The following PXDNL variants were observed in gnomAD, a reference collection of about 807,000 sequenced individuals.
PXDNL encodes probable oxidoreductase PXDNL.
Under a neutral mutation model 150.8 loss-of-function variants are expected in PXDNL, and 145 were observed. The observed-to-expected ratio is 0.96, with a 90% CI of 0.84 to 1.10. The LOEUF (loss-of-function observed/expected upper bound fraction) is 1.10. PXDNL is among the 50% of genes least tolerant of loss of function. The pLI is 0.00. For synonymous variants in PXDNL, 757 were observed against 725.7 expected, an observed-to-expected ratio of 1.04 and a Z score of -0.69; for missense variants, 2,087 against 1,873.9, an observed-to-expected ratio of 1.11 and a Z score of -2.10.
intron 1 of PXDNL, among the ~76,000 whole-genome samples, chr8:51,786,753 T>A (rs1414820896): frequency 6.6e-6 from 1 of 152,124 alleles, no homozygotes; most frequent in Non-Finnish European, 1.5e-5. Flanking sequence ...CTAAAATCAC[T>A]GATGAAAGTG....
At chr8:51,782,681 G>A (rs532259658) in intron 1 of PXDNL, among the ~76,000 whole-genome samples, 33 of 152,198 alleles carry the variant, frequency 2.2e-4, no homozygotes, top group African/African-American at 3.6e-4. Flanking sequence ...CCTTTATGGC[G>A]TGCTAAATAC....
At chr8:51,536,626 T>C (rs905227033) in intron 4 of PXDNL, among the ~76,000 whole-genome samples, 7 of 52,302 alleles carry the variant, frequency 1.3e-4, no homozygotes, top group Admixed American at 9.1e-4. Context: ...AGTCTTTCAG[T>C]TTTTTTTTTT....
intron 1 of PXDNL, among the ~76,000 whole-genome samples, chr8:51,721,093 G>T (rs1448255397): frequency 6.6e-6 from 1 of 152,206 alleles, no homozygotes; most frequent in Non-Finnish European, 1.5e-5. Flanking sequence ...TGAACCCCAA[G>T]ACTCAGAGCT....
Position 51,608,240 on chromosome 8 carries a change from T to C in PXDNL, c.237-15542A>G, listed in dbSNP as rs925441116. Among the ~76,000 whole-genome samples the C allele has an allele frequency of 2.7e-5, 4 of 146,592 alleles. 1 individual carries two copies. The highest frequency in any genetic ancestry group is 5.9e-5 in the Non-Finnish European group (4 of 67,294). On this transcript the variant is annotated intron_variant, in intron 2 of 22. Coordinates refer to ENST00000356297, the MANE Select transcript of PXDNL (RefSeq NM_144651.5). Reference sequence around the variant, plus strand: ...CCGTCTCTACTAAAAATACAAAAAATTAGCCAGGCGTGGTGGCGGGTGCCT... The same window carrying C: ...CCGTCTCTACTAAAAATACAAAAAACTAGCCAGGCGTGGTGGCGGGTGCCT...
chr8:51,743,908 A>AAGGAAGGAAGGAAGGAAGG (rs2036933702), intron 1 of PXDNL, among the ~76,000 whole-genome samples: 2 of 66,866 alleles, frequency 3.0e-5, no homozygotes, highest in African/African-American at 4.8e-5. Context: ...GCTGAGAGAG[A>AAGGAAGGAAGGAAGGAAGG]AAGGAAGGAA....
At chr8:51,376,726 T>TC (rs201773548) in intron 17 of PXDNL, among the ~76,000 whole-genome samples, 1,738 of 134,820 alleles carry the variant, frequency 0.013, 24 homozygotes, top group African/African-American at 0.046. Flanking sequence ...TCTCTCTCTC[T>TC]TTTTTTTTTT....
intron 17 of PXDNL, among the ~76,000 whole-genome samples, chr8:51,398,883 A>G (rs1022332204): frequency 1.3e-5 from 2 of 152,236 alleles, no homozygotes; most frequent in African/African-American, 4.8e-5. Context: ...AACAAATTAA[A>G]GAAGGTATGC....
chr8:51,797,497 T>C (rs779489869), intron 1 of PXDNL, among the ~76,000 whole-genome samples: 21 of 152,294 alleles, frequency 1.4e-4, no homozygotes, highest in Non-Finnish European at 2.4e-4. Context: ...AAAGTCAATG[T>C]GCAAAAATCA....
intron 22 of PXDNL, chr8:51,320,581 G>A (rs758833337): frequency 2.5e-5 from 12 of 488,982 alleles, no homozygotes; most frequent in Middle Eastern, 5.4e-4. Context: ...GGTCTCTAGC[G>A]ACTGCTCATT....
Position 51,454,978 on chromosome 8 carries a change from G to A in PXDNL, c.983-1193C>T, listed in dbSNP as rs1027399142. 4.2e-5 allele frequency among the ~76,000 whole-genome samples: 4 copies of A among 96,384 alleles called. 1 individual carries two copies. Among genetic ancestry groups the A allele is most frequent in the African/African-American group, 1.4e-4 (2 of 13,880 alleles). The allele number at this position is 96,384 out of a possible 152,430, so 63.2% of individuals were successfully genotyped here. A position where few individuals can be genotyped will look rare whatever the true frequency, so the allele number is the denominator to read the frequency against. On this transcript the variant is annotated intron_variant, in intron 9 of 22. Transcript: ENST00000356297. Reference sequence around the variant, plus strand: ...GGAAAAATTAGCCGGGCGCGGTGGCGGGCGCCTGTAGTCCCAGCTACTCGG... The same window carrying A: ...GGAAAAATTAGCCGGGCGCGGTGGCAGGCGCCTGTAGTCCCAGCTACTCGG...
At position 51,336,126 on chromosome 8, in the gene PXDNL, G is replaced by A. The variant is rs1025801480; in HGVS notation, c.4146+3498C>T. Among the ~76,000 whole-genome samples, 6 of 152,292 alleles carry A rather than the reference G, an allele frequency of 3.9e-5. No individual in the cohort carries two copies. The South Asian group carries it at 1.0e-3, about 26-fold the overall frequency. ...GAATCCCCTCACATCTAAAGGATGA[G>A]TCTCAAGAACATTAGTAATCTCCCA... On this transcript the variant is annotated intron_variant, in intron 21 of 22. Coordinates refer to ENST00000356297, the MANE Select transcript of PXDNL (RefSeq NM_144651.5).
intron 1 of PXDNL, among the ~76,000 whole-genome samples, chr8:51,691,997 A>G (rs1816010362): frequency 6.6e-6 from 1 of 152,232 alleles, no homozygotes; most frequent in Non-Finnish European, 1.5e-5. Flanking sequence ...CAATACAACC[A>G]TAAGCATCTG....
At chr8:51,671,082 A>G (rs1419622471) in intron 1 of PXDNL, among the ~76,000 whole-genome samples, 1 of 152,232 alleles carries the variant, frequency 6.6e-6, no homozygotes, top group Non-Finnish European at 1.5e-5. Context: ...TCTGTTAGCC[A>G]AGAAACAATT....
In PXDNL at chr8:51,486,263, G is replaced by T. The variant is rs183677079; in HGVS notation, c.453-2549C>A. 9.3e-4 allele frequency among the ~76,000 whole-genome samples: 141 copies of T among 152,140 alleles called. 1 individual carries two copies. The highest frequency in any genetic ancestry group is 3.1e-3 in the African/African-American group (128 of 41,506). Reference sequence around the variant, plus strand: ...CCATCATCACAGATTTTGAAGCAAGGTATGTAAATATTGAAAAATCATTCT... The same window carrying T: ...CCATCATCACAGATTTTGAAGCAAGTTATGTAAATATTGAAAAATCATTCT... On this transcript the variant is annotated intron_variant, in intron 5 of 22. Coordinates refer to ENST00000356297, the MANE Select transcript of PXDNL (RefSeq NM_144651.5).
At chr8:51,707,283 T>G (rs569382492) in intron 1 of PXDNL, among the ~76,000 whole-genome samples, 4 of 152,292 alleles carry the variant, frequency 2.6e-5, no homozygotes, top group Non-Finnish European at 5.9e-5. Context: ...ACAAGCATGC[T>G]TTCAAATATA....
intron 17 of PXDNL, among the ~76,000 whole-genome samples, chr8:51,383,959 C>A (rs1807623231): frequency 6.6e-6 from 1 of 152,092 alleles, no homozygotes; most frequent in Non-Finnish European, 1.5e-5. Context: ...ACATGCTCAC[C>A]TGATTGAGAG....
chr8:51,757,912 A>T (rs2037119503), intron 1 of PXDNL, among the ~76,000 whole-genome samples: 1 of 152,170 alleles, frequency 6.6e-6, no homozygotes. Flanking sequence ...ATCTAAAGAA[A>T]TTTAAAAAAT....
chr8:51,710,590 C>G (rs928175279), intron 1 of PXDNL, among the ~76,000 whole-genome samples: 9 of 152,184 alleles, frequency 5.9e-5, no homozygotes, highest in African/African-American at 2.2e-4. Context: ...AATCTCTTCA[C>G]ATACTCCACC....
At chr8:51,706,964 A>G (rs1212124042) in intron 1 of PXDNL, among the ~76,000 whole-genome samples, 5 of 152,034 alleles carry the variant, frequency 3.3e-5, no homozygotes, top group Admixed American at 2.0e-4. Context: ...AAATGCTTGG[A>G]TTCCAATGAG....
Sources: gnomAD v4.1 joint callset for allele counts (sites outside exome capture counted in the v4.1 genomes callset) on GRCh38, gnomAD v4.1.1 for gene constraint, MANE v1.5 for transcripts, NCBI Gene and HGNC (gene_info 2026-07-23, HGNC 2026-07-21) for gene names.